Variants in LRRFIP1 observed in about 807,000 individuals in gnomAD.
LRRFIP1 encodes LRR binding FLII interacting protein 1.
LRRFIP1 carries 62 observed loss-of-function variants against 104.4 expected under a neutral mutation model. That is an observed-to-expected ratio of 0.59 (90% CI 0.48 to 0.73). The LOEUF is 0.73. LRRFIP1 is among the 30% of genes least tolerant of loss of function. The pLI, the probability that LRRFIP1 is intolerant of heterozygous loss-of-function variation, is 0.00. For synonymous variants in LRRFIP1, 300 were observed against 299.0 expected, an observed-to-expected ratio of 1.00 and a Z score of -0.03; for missense variants, 796 against 824.5, an observed-to-expected ratio of 0.97 and a Z score of 0.42.
chr2:237,774,333 A>G (rs368167344), intron 22 of LRRFIP1, 25 bp from the exon 23 acceptor site: 3 of 1,394,102 alleles, frequency 2.2e-6, no homozygotes, highest in Non-Finnish European at 3.0e-6. Flanking sequence ...CAATTTATAC[A>G]TATGGTTTTT....
intron 10 of LRRFIP1, among the ~76,000 whole-genome samples, chr2:237,738,200 T>C (rs903602605): frequency 6.6e-5 from 10 of 152,042 alleles, no homozygotes; most frequent in Middle Eastern, 3.2e-3. Flanking sequence ...GGAGCACCCA[T>C]GAAGATCTGG....
chr2:237,739,209 C>T, intron 10 of LRRFIP1, 23 bp from the exon 11 acceptor site: 1 of 1,551,122 alleles, frequency 6.4e-7, no homozygotes, highest in South Asian at 1.2e-5. Context: ...GGCTGCGTGT[C>T]CTGGCGGTGG....
intron 15 of LRRFIP1, 70 bp from the exon 16 acceptor site, chr2:237,756,025 G>A (rs1316824234): frequency 1.2e-5 from 11 of 947,100 alleles, no homozygotes; most frequent in East Asian, 5.0e-5. Context: ...ACTATAAATC[G>A]TGAGAGCCTG....
At chr2:237,763,882 A>G (rs372954824) in intron 19 of LRRFIP1, 1 of 1,614,126 alleles carries the variant, frequency 6.2e-7, no homozygotes, top group Non-Finnish European at 8.5e-7. Flanking sequence ...GCGAAGACGC[A>G]GATCGCTGCA....
intron 8 of LRRFIP1, among the ~76,000 whole-genome samples, chr2:237,731,064 A>C (rs1167955289): frequency 2.0e-5 from 3 of 152,236 alleles, no homozygotes; most frequent in Non-Finnish European, 4.4e-5. Flanking sequence ...AACCCAGGAG[A>C]GGTGCCATGT....
rs370196679 is a variant in LRRFIP1, at chr2:237,753,907, T to G, written c.1038+428T>G. On this transcript the variant is annotated intron_variant, in intron 15 of 23. Transcript: ENST00000308482. ...TATATATAATGTATAATTTACATTA[T>G]GTATTTTTATATTTTTAAACAATGG... is the stretch of plus-strand genomic sequence containing the variant. 1.3e-3 allele frequency among the ~76,000 whole-genome samples: 192 copies of G among 152,184 alleles called. 2 individuals are homozygous for G. The East Asian group carries it at 0.034, about 27-fold the overall frequency.
At chr2:237,730,650 G>C (rs2094959491) in intron 8 of LRRFIP1, among the ~76,000 whole-genome samples, 1 of 152,224 alleles carries the variant, frequency 6.6e-6, no homozygotes, top group Non-Finnish European at 1.5e-5. Context: ...AGGTGTGGTG[G>C]CTCACACCTA....
chr2:237,718,882 T>G (rs1294873199), intron 4 of LRRFIP1, among the ~76,000 whole-genome samples: 6 of 147,658 alleles, frequency 4.1e-5, no homozygotes, highest in African/African-American at 1.5e-4. Flanking sequence ...GTATTTTTGT[T>G]AAATCTTAAG....
chr2:237,757,372 T>C, intron 16 of LRRFIP1, 84 bp from the exon 17 acceptor site: 1 of 827,900 alleles, frequency 1.2e-6, no homozygotes, highest in South Asian at 1.6e-5. Flanking sequence ...TCACTCACTG[T>C]CCCAGCTCTC....
chr2:237,693,173 CA>C lies in LRRFIP1; in HGVS notation c.97-15370del, dbSNP rs2092932386. On this transcript the variant is annotated intron_variant, in intron 1 of 23. Transcript: ENST00000308482. ...GAGAGGGTTTGCAAATACACATTTT[CA>C]TGCAGCTTGTGGTTGAACATGAATG... is the stretch of plus-strand genomic sequence containing the variant. Among the ~76,000 whole-genome samples the C allele has an allele frequency of 5.3e-5, 8 of 152,336 alleles. 1 individual carries two copies. The South Asian group carries it at 1.7e-3, about 32-fold the overall frequency.
chr2:237,758,223 A>AGTGTGTGTGTGT (rs138141222), intron 17 of LRRFIP1, among the ~76,000 whole-genome samples: 3,790 of 149,694 alleles, frequency 0.025, 52 homozygotes, highest in Middle Eastern at 0.1. Flanking sequence ...AGCACTTAGG[A>AGTGTGTGTGTGT]GTGTGTGTGT....
In LRRFIP1 at chr2:237,711,944, G is replaced by A. The variant is rs144677153; in HGVS notation, c.184-2315G>A. ...CGGCAACGGTGCCTTCATGAATTTC[G>A]GGTCTTTGCAAGGCGGCAGCATTCC... On this transcript the variant is annotated intron_variant, in intron 2 of 23. Coordinates refer to ENST00000308482, the MANE Select transcript of LRRFIP1 (RefSeq NM_001137550.2). This position sits in a 1 kb window ranked among gnomAD's most constrained non-coding sequence, Gnocchi z 4.4. Among the ~76,000 whole-genome samples, 33 of 152,302 alleles carry A rather than the reference G, an allele frequency of 2.2e-4. No homozygotes were observed. The highest frequency in any genetic ancestry group is 1.7e-3 in the East Asian group (9 of 5,170).
chr2:237,688,048 G>A lies in LRRFIP1; in HGVS notation c.97-20496G>A, dbSNP rs1024860097. ...AATTAGACCATGCTACTGGCCTTTCGTTCTTTTCTCAGGAGTCTCCTATAC... is the reference window on the plus strand; with the variant it reads ...AATTAGACCATGCTACTGGCCTTTCATTCTTTTCTCAGGAGTCTCCTATAC... On this transcript the variant is annotated intron_variant, in intron 1 of 23. Coordinates refer to ENST00000308482, the MANE Select transcript of LRRFIP1 (RefSeq NM_001137550.2). 3.9e-5 allele frequency among the ~76,000 whole-genome samples: 6 copies of A among 152,186 alleles called. No homozygotes were observed. In the South Asian group the frequency reaches 8.3e-4, roughly 21 times the overall value.
At chr2:237,777,990 C>T (rs2061234988) in intron 23 of LRRFIP1, among the ~76,000 whole-genome samples, 1 of 152,164 alleles carries the variant, frequency 6.6e-6, no homozygotes, top group Admixed American at 6.5e-5. Flanking sequence ...GCTGCATGTT[C>T]ATGTATGTCC....
At chr2:237,712,648 T>C (rs1248320680) in intron 2 of LRRFIP1, among the ~76,000 whole-genome samples, 2 of 151,602 alleles carry the variant, frequency 1.3e-5, no homozygotes, top group African/African-American at 2.4e-5. Flanking sequence ...TGTGCATGTG[T>C]GTGTGCATGT....
intron 1 of LRRFIP1, among the ~76,000 whole-genome samples, chr2:237,689,392 T>C (rs1433824155): frequency 6.6e-6 from 1 of 152,210 alleles, no homozygotes; most frequent in Non-Finnish European, 1.5e-5. Flanking sequence ...CAAGTCAGAA[T>C]GTAGCATCCT....
rs541470784 is a variant in LRRFIP1 at position 237,702,593 on chromosome 2, G to T, written c.97-5951G>T. Among the ~76,000 whole-genome samples, 18 of 152,358 alleles carry T rather than the reference G, an allele frequency of 1.2e-4. No individual in the cohort carries two copies. The South Asian group carries it at 3.5e-3, about 30-fold the overall frequency. ...GGGGGCAGCGCTGCAAAACCCAGCAGCGGGCCACCTTCCAGCAGCAGAAAG... is the reference window on the plus strand; with the variant it reads ...GGGGGCAGCGCTGCAAAACCCAGCATCGGGCCACCTTCCAGCAGCAGAAAG... On this transcript the variant is annotated intron_variant, in intron 1 of 23. Transcript: ENST00000308482.
chr2:237,644,175 C>T (rs1215505713), intron 1 of LRRFIP1, among the ~76,000 whole-genome samples: 3 of 152,178 alleles, frequency 2.0e-5, no homozygotes, highest in Non-Finnish European at 2.9e-5. Context: ...CCTCATTGGG[C>T]GTTGTGTGCA....
At chr2:237,681,781 G>A (rs921683377) in intron 1 of LRRFIP1, among the ~76,000 whole-genome samples, 1 of 135,220 alleles carries the variant, frequency 7.4e-6, no homozygotes, top group South Asian at 2.6e-4. Flanking sequence ...CCGGGTTCAC[G>A]CCATTCTCCT....
Sources: gnomAD v4.1 joint callset for allele counts (sites outside exome capture counted in the v4.1 genomes callset) on GRCh38, gnomAD v4.1.1 for gene constraint, Gnocchi (gnomAD v3.1) non-coding constraint, MANE v1.5 for transcripts, NCBI Gene and HGNC (gene_info 2026-07-23, HGNC 2026-07-21) for gene names.